Variants in SLC22A2 observed in about 807,000 individuals in gnomAD.
The protein encoded by SLC22A2 is organic cation transporter 2.
SLC22A2 carries 46 observed loss-of-function variants against 60.5 expected under a neutral mutation model. The observed-to-expected ratio is 0.76, with a 90% CI of 0.60 to 0.97. The LOEUF is 0.97. Among genes scored for constraint, SLC22A2 ranks in the 50% least tolerant of loss-of-function variants. The pLI, the probability that SLC22A2 is intolerant of heterozygous loss-of-function variation, is 0.00. For missense variants in SLC22A2, 701 were observed against 706.6 expected, an observed-to-expected ratio of 0.99 and a Z score of 0.09; for synonymous variants, 303 against 267.0, an observed-to-expected ratio of 1.13 and a Z score of -1.31.
intron 9 of SLC22A2, among the ~76,000 whole-genome samples, chr6:160,228,842 C>T (rs1013485031): frequency 6.6e-6 from 1 of 151,834 alleles, no homozygotes; most frequent in African/African-American, 2.4e-5. Flanking sequence ...CACTGAGCAC[C>T]TTGTGTCCCC....
intron 4 of SLC22A2, among the ~76,000 whole-genome samples, chr6:160,248,030 G>T (rs754604085): frequency 6.6e-6 from 1 of 152,192 alleles, no homozygotes; most frequent in Non-Finnish European, 1.5e-5. Flanking sequence ...TGGAATGGAT[G>T]TTTTTGTGGA....
intron 9 of SLC22A2, among the ~76,000 whole-genome samples, chr6:160,232,764 TA>T (rs1213081256): frequency 6.6e-6 from 1 of 151,846 alleles, no homozygotes; most frequent in African/African-American, 2.4e-5. Context: ...ATAAGGTAGC[TA>T]AAAAAGCAGC....
intron 10 of SLC22A2, among the ~76,000 whole-genome samples, chr6:160,220,528 G>A (rs1270479034): frequency 6.6e-6 from 1 of 152,102 alleles, no homozygotes; most frequent in Non-Finnish European, 1.5e-5. Context: ...ATCTACAATG[G>A]TGAAAGATTT....
intron 1 of SLC22A2, 57 bp downstream of exon 1, chr6:160,258,287 C>A: frequency 6.5e-7 from 1 of 1,531,412 alleles, no homozygotes. Flanking sequence ...TGCTTGCTTC[C>A]TTGAGAAAAT....
At chr6:160,237,518 T>G (rs1782929194) in intron 9 of SLC22A2, among the ~76,000 whole-genome samples, 1 of 152,126 alleles carries the variant, frequency 6.6e-6, no homozygotes, top group African/African-American at 2.4e-5. Context: ...CTGACTGAGC[T>G]CCTCTCTACC....
intron 9 of SLC22A2, among the ~76,000 whole-genome samples, chr6:160,225,696 A>G (rs1782711435): frequency 6.6e-6 from 1 of 152,224 alleles, no homozygotes; most frequent in Admixed American, 6.5e-5. Flanking sequence ...GCCTCCTTAC[A>G]TATTTTAAGT....
intron 8 of SLC22A2, among the ~76,000 whole-genome samples, chr6:160,241,805 A>T (rs76177961): frequency 6.5e-5 from 2 of 30,698 alleles, no homozygotes; most frequent in Non-Finnish European, 1.9e-4. Flanking sequence ...TATTGAAATA[A>T]AAAAAAAACA....
At chr6:160,243,918 C>T in intron 6 of SLC22A2, 132 bp from the exon 7 acceptor site, 1 of 630,630 alleles carries the variant, frequency 1.6e-6, no homozygotes, top group Non-Finnish European at 2.8e-6. Flanking sequence ...GTCCCCCATC[C>T]CACTGCTTTT....
chr6:160,231,813 A>G (rs566204172), intron 9 of SLC22A2, among the ~76,000 whole-genome samples: 2 of 151,954 alleles, frequency 1.3e-5, no homozygotes, highest in Non-Finnish European at 1.5e-5. Flanking sequence ...AACAGCCCTA[A>G]AAGCTGCTCC....
Position 160,241,654 on chromosome 6 carries a change from C to G in SLC22A2, c.1389-68G>C. 4 of 943,818 alleles carry G rather than the reference C, an allele frequency of 4.2e-6. No homozygotes were observed. In the South Asian group the frequency reaches 5.4e-5, roughly 13 times the overall value. 58.5% of individuals were successfully genotyped at this position (943,818 alleles called of 1,614,324 possible). The stretch of plus-strand genomic sequence containing the variant: ...TGCAGTAGTTATCTCCCATCCACCC[C>G]TGAATAAACACTTCCTCAAATAATT... On this transcript the variant is annotated intron_variant, in intron 8 of 10. Transcript: ENST00000366953.
At chr6:160,230,994 C>A (rs1229974383) in intron 9 of SLC22A2, among the ~76,000 whole-genome samples, 1 of 151,886 alleles carries the variant, frequency 6.6e-6, no homozygotes, top group Middle Eastern at 3.2e-3. Flanking sequence ...CTCGGAAGCC[C>A]CCTGGACCAT....
At chr6:160,251,097 C>G (rs1449740870) in intron 2 of SLC22A2, among the ~76,000 whole-genome samples, 4 of 152,156 alleles carry the variant, frequency 2.6e-5, no homozygotes, top group Non-Finnish European at 5.9e-5. Flanking sequence ...AATTATCCAC[C>G]CAAGAATGTT....
chr6:160,246,804 A>G (rs1194923161), intron 5 of SLC22A2, among the ~76,000 whole-genome samples: 2 of 152,192 alleles, frequency 1.3e-5, no homozygotes, highest in Admixed American at 6.5e-5. Flanking sequence ...CTAAGAAATC[A>G]TGTGTGTTTA....
intron 7 of SLC22A2, 140 bp from the exon 8 acceptor site, chr6:160,242,542 T>C (rs1383292527): frequency 6.4e-6 from 4 of 627,550 alleles, no homozygotes; most frequent in Non-Finnish European, 1.2e-5. Context: ...TATAGGCTCA[T>C]GTTAATGTCA....
intron 10 of SLC22A2, among the ~76,000 whole-genome samples, chr6:160,220,505 T>A (rs1199391898): frequency 6.6e-6 from 1 of 152,230 alleles, no homozygotes; most frequent in Non-Finnish European, 1.5e-5. Flanking sequence ...GATCCACAAA[T>A]GTTCTTAGTG....
At chr6:160,258,280 T>A (rs1304648531) in intron 1 of SLC22A2, 64 bp downstream of exon 1, 4 of 1,523,556 alleles carry the variant, frequency 2.6e-6, no homozygotes, top group Admixed American at 2.0e-5. Flanking sequence ...CCTTCCCTGC[T>A]TGCTTCCTTG....
chr6:160,229,548 C>T (rs1782783590), intron 9 of SLC22A2, among the ~76,000 whole-genome samples: 1 of 151,938 alleles, frequency 6.6e-6, no homozygotes, highest in South Asian at 2.1e-4. Flanking sequence ...CAGCCCAGGG[C>T]TGCTCACCCA....
rs555732468 is a variant in SLC22A2 at position 160,258,375 on chromosome 6, T to C, written c.383A>G (p.Tyr128Cys). Residue 128 changes from tyrosine (Y) to cysteine (C), a missense_variant, in exon 1 of 11, where the codon TAC (tyrosine) becomes TGC (cysteine). Tyr to Cys is a radical substitution (Grantham distance 194). Transcript: ENST00000366953. ...GACGATGGACGAGCCAGGCGTCTCG[T>C]ACACCCAGCCGTCCCGGCAGGGGCC... ...PLGPCRDGWV[Y>C]ETPGSSIVTE... 1 of 1,613,298 alleles carries C rather than the reference T, an allele frequency of 6.2e-7. No homozygotes were observed. Among genetic ancestry groups the C allele is most frequent in the South Asian group, 1.1e-5 (1 of 91,006 alleles).
rs117417615 is a variant in SLC22A2, at chr6:160,217,180, C to T, written c.*252G>A. ...AAAAATACAAAGATGGAAAAAAAAC[C>T]CTCCAGAAAACCAATGTCCAATGTC... On this transcript the variant is annotated 3_prime_UTR_variant, in exon 11 of 11. Coordinates refer to ENST00000366953, the MANE Select transcript of SLC22A2 (RefSeq NM_003058.4). The T allele has an allele frequency of 2.5e-4, 89 of 358,004 alleles. 1 individual carries two copies. The East Asian group carries it at 3.6e-3, about 15-fold the overall frequency. 22.2% of individuals were successfully genotyped at this position (358,004 alleles called of 1,614,324 possible). A position where few individuals can be genotyped will look rare whatever the true frequency, so the allele number is the denominator to read the frequency against.
Sources: allele counts gnomAD v4.1 joint callset (sites outside exome capture counted in the v4.1 genomes callset), GRCh38; gene constraint gnomAD v4.1.1; transcripts MANE v1.5; gene names NCBI Gene and HGNC (gene_info 2026-07-23, HGNC 2026-07-21).